The following PAX7 variants were observed in gnomAD, a reference collection of about 807,000 sequenced individuals.
PAX7 encodes the protein paired box protein Pax-7.
PAX7 carries 18 observed loss-of-function variants against 50.7 expected under a neutral mutation model. The ratio of observed to expected loss-of-function variants is 0.36; its 90% CI spans 0.25 to 0.53. The LOEUF is 0.53. Among genes scored for constraint, PAX7 ranks in the 20% least tolerant of loss-of-function variants. The probability of loss-of-function intolerance (pLI) is 0.93; values close to 1 mark genes in which losing one functional copy is unlikely to be tolerated. For missense variants in PAX7, 644 were observed against 702.9 expected (o/e 0.92, Z 0.95); for synonymous variants, 310 against 290.4 (o/e 1.07, Z -0.69).
Position 18,745,132 on chromosome 1 carries a change from G to C in PAX7, c.*203G>C. 1.7e-6 allele frequency: 1 copy of C among 582,610 alleles called. No individual in the cohort carries two copies. The highest frequency in any genetic ancestry group is 3.1e-6 in the Non-Finnish European group (1 of 326,402). The allele number at this position is 582,610 out of a possible 1,614,324, so 36.1% of individuals were successfully genotyped here. Reference sequence around the variant, plus strand: ...AGGGATCCAGAGTGATGCCCTTGGAGTCTGCTCCCCACTTTCCCCAAGGAG... The same window carrying C: ...AGGGATCCAGAGTGATGCCCTTGGACTCTGCTCCCCACTTTCCCCAAGGAG... On this transcript the variant is annotated 3_prime_UTR_variant, in exon 9 of 9. Transcript: ENST00000420770.
intron 7 of PAX7, among the ~76,000 whole-genome samples, chr1:18,729,512 A>G (rs1256719310): frequency 6.6e-6 from 1 of 152,188 alleles, no homozygotes; most frequent in Non-Finnish European, 1.5e-5. Context: ...TGAGTTTAGG[A>G]AAGTGGGAGT....
At chr1:18,696,338 A>G (rs2089149812) in intron 5 of PAX7, among the ~76,000 whole-genome samples, 1 of 151,708 alleles carries the variant, frequency 6.6e-6, no homozygotes, top group Admixed American at 6.6e-5. Flanking sequence ...AAGTGCTGGG[A>G]TTACAGGCAT....
chr1:18,646,241 G>A lies in PAX7; in HGVS notation c.586+9870G>A, dbSNP rs144508436. ...GCCTTGGAACTTTCTTTAATAAATG[G>A]GGCTGAACCTCCCTCTCTCTTCAAA... On this transcript the variant is annotated intron_variant, in intron 4 of 8. Coordinates refer to ENST00000420770, the MANE Select transcript of PAX7 (RefSeq NM_001135254.2). 3.4e-4 allele frequency among the ~76,000 whole-genome samples: 52 copies of A among 152,194 alleles called. No homozygotes were observed. In the East Asian group the frequency reaches 8.1e-3, roughly 24 times the overall value.
At chr1:18,637,751 G>A (rs893401681) in intron 4 of PAX7, among the ~76,000 whole-genome samples, 2 of 152,272 alleles carry the variant, frequency 1.3e-5, no homozygotes, top group African/African-American at 4.8e-5. Flanking sequence ...CCGTGTGACA[G>A]CGGCCTGGAG....
intron 7 of PAX7, among the ~76,000 whole-genome samples, chr1:18,718,295 G>A (rs1051774984): frequency 6.6e-6 from 1 of 152,156 alleles, no homozygotes; most frequent in Non-Finnish European, 1.5e-5. Flanking sequence ...GCAGAATCCA[G>A]GCCATACCTG....
intron 4 of PAX7, among the ~76,000 whole-genome samples, chr1:18,653,776 C>A (rs748067518): frequency 6.6e-6 from 1 of 151,942 alleles, no homozygotes; most frequent in South Asian, 2.1e-4. Flanking sequence ...AGCTGAGAAG[C>A]GGCTGAGCCT....
intron 5 of PAX7, among the ~76,000 whole-genome samples, chr1:18,694,511 T>A (rs74458392): frequency 0.037 from 5,072 of 138,664 alleles, 134 homozygotes; most frequent in East Asian, 0.17. Flanking sequence ...TAAATAAATA[T>A]AAAATAAAAT....
rs777398133 is a variant in PAX7, at chr1:18,700,715, G to A, written c.849G>A (p.Ala283=). Residue 283 remains alanine (A), a synonymous_variant, in exon 6 of 9, where the codon GCG becomes GCA. Coordinates refer to ENST00000420770, the MANE Select transcript of PAX7 (RefSeq NM_001135254.2). This position sits in a 1 kb window ranked among gnomAD's most constrained non-coding sequence, Gnocchi z 4.8. The part of the protein sequence containing the change: ...RKQAGANQLA[A]FNHLLPGGFP... ...AGGCAGGAGCCAACCAGCTGGCGGCGTTCAACCACCTTCTGCCAGGAGGCT... is the reference window on the plus strand; with the variant it reads ...AGGCAGGAGCCAACCAGCTGGCGGCATTCAACCACCTTCTGCCAGGAGGCT... 4.4e-5 allele frequency: 70 copies of A among 1,601,922 alleles called. No homozygotes were observed. Among genetic ancestry groups the A allele is most frequent in the African/African-American group, 1.3e-4 (10 of 74,086 alleles).
At chr1:18,707,550 G>A (rs976994258) in intron 7 of PAX7, among the ~76,000 whole-genome samples, 2 of 151,408 alleles carry the variant, frequency 1.3e-5, no homozygotes, top group Non-Finnish European at 2.9e-5. Context: ...AGCCTCCAGA[G>A]TAGCTGGGAC....
rs530774900 is a variant in PAX7, at chr1:18,700,223, G to C, written c.787-430G>C. Among the ~76,000 whole-genome samples the C allele has an allele frequency of 6.6e-6, 1 of 151,994 alleles. No homozygotes were observed. Among genetic ancestry groups the C allele is most frequent in the African/African-American group, 2.4e-5 (1 of 41,376 alleles). On this transcript the variant is annotated intron_variant, in intron 5 of 8. Coordinates refer to ENST00000420770, the MANE Select transcript of PAX7 (RefSeq NM_001135254.2). This position sits in a 1 kb window ranked among gnomAD's most constrained non-coding sequence, Gnocchi z 4.8. ...GGTCTGAAGTGCAGGTCTCATTCAG[G>C]TGGGTTGCAGATGCGTGGCTTCCTC...
chr1:18,671,103 G>T (rs753251648), intron 4 of PAX7, among the ~76,000 whole-genome samples: 39 of 152,258 alleles, frequency 2.6e-4, no homozygotes, highest in Non-Finnish European at 5.1e-4. Flanking sequence ...CTAGCTCAGT[G>T]GGCCTGCCAG....
chr1:18,712,007 G>A (rs573113390), intron 7 of PAX7, among the ~76,000 whole-genome samples: 25 of 152,240 alleles, frequency 1.6e-4, no homozygotes, highest in East Asian at 3.9e-4. Flanking sequence ...TAGGCTGCCC[G>A]TCCACTCTGC....
chr1:18,670,649 C>G (rs1463472897), intron 4 of PAX7, among the ~76,000 whole-genome samples: 2 of 152,326 alleles, frequency 1.3e-5, no homozygotes, highest in East Asian at 3.9e-4. Context: ...GTCAGTCTAT[C>G]TGTCCATCCG....
intron 8 of PAX7, among the ~76,000 whole-genome samples, chr1:18,739,721 C>T (rs912963130): frequency 2.7e-4 from 41 of 152,208 alleles, no homozygotes; most frequent in African/African-American, 9.6e-4. Context: ...TCCTCTTCTC[C>T]GTGGGCTTCT....
intron 8 of PAX7, among the ~76,000 whole-genome samples, chr1:18,737,041 C>T (rs1284181435): frequency 6.6e-6 from 1 of 152,274 alleles, no homozygotes; most frequent in Non-Finnish European, 1.5e-5. Flanking sequence ...CCCCTTTGTG[C>T]CTTGCCTTGA....
chr1:18,709,402 C>T (rs920826815), intron 7 of PAX7, among the ~76,000 whole-genome samples: 4 of 152,338 alleles, frequency 2.6e-5, no homozygotes, highest in Admixed American at 6.5e-5. Context: ...CCCCACACAC[C>T]GACCTAATGA....
chr1:18,635,493 A>AGAAGGAAG (rs759818785), intron 3 of PAX7, among the ~76,000 whole-genome samples: 3 of 68,792 alleles, frequency 4.4e-5, no homozygotes, highest in African/African-American at 2.2e-4. Flanking sequence ...AAAGGGAGGA[A>AGAAGGAAG]GAAGGAAGGA....
intron 7 of PAX7, among the ~76,000 whole-genome samples, chr1:18,730,814 C>T (rs955298202): frequency 3.9e-5 from 6 of 152,134 alleles, no homozygotes; most frequent in Non-Finnish European, 8.8e-5. Flanking sequence ...AGCCTCTCCC[C>T]AGCAGACGGA....
At chr1:18,694,537 A>C (rs2089126882) in intron 5 of PAX7, among the ~76,000 whole-genome samples, 1 of 151,990 alleles carries the variant, frequency 6.6e-6, no homozygotes, top group South Asian at 2.1e-4. Context: ...AAGAACATTT[A>C]GCCTGGAGAA....
Sources: allele counts gnomAD v4.1 joint callset (sites outside exome capture counted in the v4.1 genomes callset), GRCh38; gene constraint gnomAD v4.1.1; non-coding constraint Gnocchi (gnomAD v3.1); transcripts MANE v1.5; gene names NCBI Gene and HGNC (gene_info 2026-07-23, HGNC 2026-07-21).